The following NR2C2 variants were observed in gnomAD, a reference collection of about 807,000 sequenced individuals.
NR2C2 encodes the protein Nuclear hormone receptor TR4.
A neutral mutation model predicts 62.9 loss-of-function variants in NR2C2; 6 were observed. That is an observed-to-expected ratio of 0.10 (90% confidence interval 0.05 to 0.19). The LOEUF (loss-of-function observed/expected upper bound fraction) is 0.19, where lower values mean the gene tolerates loss of function less well. Among genes scored for constraint, NR2C2 ranks in the 10% least tolerant of loss-of-function variants. The pLI is 1.00. For synonymous variants in NR2C2, 272 were observed against 273.8 expected, an observed-to-expected ratio of 0.99 and a Z score of 0.07; for missense variants, 479 against 762.7, an observed-to-expected ratio of 0.63 and a Z score of 4.38.
chr3:14,976,391 TA>T (rs2125311095), intron 1 of NR2C2, among the ~76,000 whole-genome samples: 1 of 152,294 alleles, frequency 6.6e-6, no homozygotes, highest in African/African-American at 2.4e-5. Flanking sequence ...GTCTCCAACA[TA>T]GTTGTAAAAC....
intron 10 of NR2C2, among the ~76,000 whole-genome samples, chr3:15,033,263 G>T (rs2042024770): frequency 6.6e-6 from 1 of 152,198 alleles, no homozygotes; most frequent in East Asian, 1.9e-4. Flanking sequence ...CCTGGTTGTC[G>T]GGCCATAAGA....
intron 1 of NR2C2, among the ~76,000 whole-genome samples, chr3:14,980,720 G>A (rs1245379275): frequency 6.6e-6 from 1 of 152,136 alleles, no homozygotes; most frequent in Non-Finnish European, 1.5e-5. Context: ...ATGAAGTGAA[G>A]GTAGCTTTAT....
chr3:15,047,695 G>A lies in NR2C2; in HGVS notation c.*4687G>A, dbSNP rs1282948255. On this transcript the variant is annotated 3_prime_UTR_variant, in exon 14 of 14. Transcript: ENST00000425241. ...AAATAGTAATTCCCATCTTTCTATC[G>A]CCAGTTAAAAATAAACAACCTACCA... is the stretch of plus-strand genomic sequence containing the variant. 3 of 152,128 alleles carry A rather than the reference G, an allele frequency of 2.0e-5. No homozygotes were observed. Among genetic ancestry groups the A allele is most frequent in the African/African-American group, 2.4e-5 (1 of 41,408 alleles). The allele number at this position is 152,128 out of a possible 1,614,324, so 9.4% of individuals were successfully genotyped here. A position where few individuals can be genotyped will look rare whatever the true frequency, so the allele number is the denominator to read the frequency against.
At chr3:14,995,067 A>C in intron 1 of NR2C2, among the ~76,000 whole-genome samples, 1 of 139,092 alleles carries the variant, frequency 7.2e-6, no homozygotes. Context: ...TGCAGCCTTG[A>C]CCCTCCGGTC....
chr3:15,034,933 T>G, intron 11 of NR2C2, 124 bp downstream of exon 11: 1 of 999,308 alleles, frequency 1.0e-6, no homozygotes, highest in Non-Finnish European at 1.4e-6. Flanking sequence ...GCTGGCAACA[T>G]AGCAAATTGG....
chr3:14,990,881 A>G (rs1020567524), intron 1 of NR2C2, among the ~76,000 whole-genome samples: 2 of 152,236 alleles, frequency 1.3e-5, no homozygotes, highest in Admixed American at 6.5e-5. Flanking sequence ...TTGCTATGCT[A>G]AGCTCTTAGC....
chr3:15,032,171 A>G (rs774447476), intron 9 of NR2C2, among the ~76,000 whole-genome samples: 1 of 152,158 alleles, frequency 6.6e-6, no homozygotes, highest in Non-Finnish European at 1.5e-5. Flanking sequence ...AGGCTTATGG[A>G]CCACATTCCA....
intron 4 of NR2C2, among the ~76,000 whole-genome samples, chr3:15,018,661 C>G (rs190159305): frequency 1.2e-4 from 18 of 152,192 alleles, no homozygotes; most frequent in Admixed American, 1.2e-3. Flanking sequence ...GCCGGGAGTT[C>G]AAGACCAGCC....
At chr3:15,021,448 G>A (rs1227131809) in intron 5 of NR2C2, among the ~76,000 whole-genome samples, 1 of 152,196 alleles carries the variant, frequency 6.6e-6, no homozygotes, top group Non-Finnish European at 1.5e-5. Flanking sequence ...TATTGCTCCT[G>A]GATGTGTGGG....
chr3:14,984,650 G>T (rs775498488), intron 1 of NR2C2, among the ~76,000 whole-genome samples: 1 of 152,056 alleles, frequency 6.6e-6, no homozygotes, highest in African/African-American at 2.4e-5. Flanking sequence ...TCCTTTTTAC[G>T]TTGTATCCAT....
chr3:14,996,695 C>T (rs62240380), intron 1 of NR2C2, among the ~76,000 whole-genome samples: 13,909 of 152,236 alleles, frequency 0.091, 728 homozygotes, highest in African/African-American at 0.13. Flanking sequence ...CTCAGCCTCC[C>T]GAGTAGCTGG....
chr3:15,039,392 C>T (rs536548222), intron 13 of NR2C2, among the ~76,000 whole-genome samples, 165 bp downstream of exon 13: 1 of 152,276 alleles, frequency 6.6e-6, no homozygotes, highest in South Asian at 2.1e-4. Flanking sequence ...TTTCCAAGCT[C>T]CCAAGAGCTA....
intron 2 of NR2C2, among the ~76,000 whole-genome samples, chr3:15,005,763 T>C (rs1233758919): frequency 1.3e-5 from 2 of 152,130 alleles, no homozygotes; most frequent in Non-Finnish European, 2.9e-5. Context: ...GCAATATGTA[T>C]TGGGGTCTTG....
intron 1 of NR2C2, among the ~76,000 whole-genome samples, chr3:14,966,939 T>C (rs1343970813): frequency 2.0e-5 from 3 of 152,340 alleles, no homozygotes; most frequent in South Asian, 2.1e-4. Context: ...AGAATTGATA[T>C]TAACTTTTCT....
intron 1 of NR2C2, chr3:14,959,208 A>T (rs557033140): frequency 6.6e-6 from 1 of 152,342 alleles, no homozygotes; most frequent in East Asian, 1.9e-4. Flanking sequence ...TGAGAGTCTT[A>T]TACCCTGATG....
chr3:14,959,945 T>C (rs1023204918), intron 1 of NR2C2, among the ~76,000 whole-genome samples: 5 of 152,222 alleles, frequency 3.3e-5, no homozygotes, highest in African/African-American at 1.2e-4. Context: ...CCCATATAGA[T>C]AATCCATTTT....
intron 1 of NR2C2, among the ~76,000 whole-genome samples, chr3:14,981,761 G>T (rs2040377054): frequency 6.6e-6 from 1 of 152,136 alleles, no homozygotes; most frequent in Non-Finnish European, 1.5e-5. Context: ...GTGGCCAAAG[G>T]CCTGAGAGCC....
At chr3:15,029,791 T>A (rs1453235437) in intron 8 of NR2C2, among the ~76,000 whole-genome samples, 2 of 108,230 alleles carry the variant, frequency 1.8e-5, no homozygotes, top group East Asian at 2.8e-4. Flanking sequence ...AGTAAATAAA[T>A]AATAGATAGA....
At chr3:14,960,233 TAAAG>T (rs2039653255) in intron 1 of NR2C2, among the ~76,000 whole-genome samples, 1 of 152,188 alleles carries the variant, frequency 6.6e-6, no homozygotes, top group Non-Finnish European at 1.5e-5. Flanking sequence ...AAAGACACCT[TAAAG>T]AAAGTAAACA....
Sources: gnomAD v4.1 joint callset for allele counts (sites outside exome capture counted in the v4.1 genomes callset) on GRCh38, gnomAD v4.1.1 for gene constraint, MANE v1.5 for transcripts, NCBI Gene and HGNC (gene_info 2026-07-23, HGNC 2026-07-21) for gene names.